TIA1: variants seen among roughly 807,000 people sequenced by gnomAD.
The protein encoded by TIA1 is cytotoxic granule associated RNA binding protein TIA1.
Under a neutral mutation model 65.9 loss-of-function variants are expected in TIA1, and 23 were observed. That is an observed-to-expected ratio of 0.35 (90% CI 0.25 to 0.49). The LOEUF is 0.49. Among genes scored for constraint, TIA1 ranks in the 20% least tolerant of loss-of-function variants. The pLI is 0.98. For synonymous variants in TIA1, 147 were observed against 149.4 expected, an observed-to-expected ratio of 0.98 and a Z score of 0.12; for missense variants, 371 against 477.9, an observed-to-expected ratio of 0.78 and a Z score of 2.09.
At position 70,216,196 on chromosome 2, in the gene TIA1, A is replaced by C. The variant is rs1678569758; in HGVS notation, c.764+12T>G. The C allele has an allele frequency of 1.3e-6, 2 of 1,538,154 alleles. No individual in the cohort carries two copies. The highest frequency in any genetic ancestry group is 1.3e-5 in the South Asian group (1 of 77,676). ...TACCAAGAAAAATGTTTTTTTAAAA[A>C]ACCATCCCTACCGAACAAATGAATA... On this transcript the variant is annotated intron_variant, in intron 10 of 12. Coordinates refer to ENST00000433529, the MANE Select transcript of TIA1 (RefSeq NM_022173.4).
upstream of TIA1, chr2:70,248,735 G>A: frequency 2.4e-6 from 1 of 420,260 alleles, no homozygotes; most frequent in African/African-American, 2.0e-5. Flanking sequence ...TAATCCATAG[G>A]TTCACTTGTT....
At chr2:70,235,475 G>A (rs1688413917) in intron 2 of TIA1, among the ~76,000 whole-genome samples, 1 of 151,890 alleles carries the variant, frequency 6.6e-6, no homozygotes, top group Admixed American at 6.6e-5. Context: ...GGGAAATGGG[G>A]TAAATGTTCC....
intron 1 of TIA1, among the ~76,000 whole-genome samples, chr2:70,247,610 C>T (rs1694956260): frequency 6.6e-6 from 1 of 152,142 alleles, no homozygotes; most frequent in Non-Finnish European, 1.5e-5. Context: ...AAAATATCCA[C>T]GCTCCGGTAA....
At chr2:70,237,736 T>C (rs1373327882) in intron 1 of TIA1, among the ~76,000 whole-genome samples, 1 of 150,832 alleles carries the variant, frequency 6.6e-6, no homozygotes, top group African/African-American at 2.4e-5. Context: ...TGGTGGCGCC[T>C]GCCTGTAATC....
chr2:70,225,345 C>T (rs555454494), intron 6 of TIA1: 132 of 1,287,666 alleles, frequency 1.0e-4, no homozygotes, highest in Non-Finnish European at 1.2e-4. Flanking sequence ...CACTGTGAAC[C>T]GTAGCTTGTA....
rs371477184 is a variant in TIA1, at chr2:70,212,978, T to C, written c.1035-133A>G. ...TTTTTCTTAATCCCAAATAGAATAA[T>C]TTATGCTAGGGAAAATGAAATCTTT... On this transcript the variant is annotated intron_variant, in intron 12 of 12. Transcript: ENST00000433529. 140 of 627,106 alleles carry C rather than the reference T, an allele frequency of 2.2e-4. 1 individual carries two copies. In the East Asian group the frequency reaches 3.5e-3, roughly 16 times the overall value. 38.8% of individuals were successfully genotyped at this position (627,106 alleles called of 1,614,324 possible).
intron 2 of TIA1, among the ~76,000 whole-genome samples, chr2:70,232,219 A>AAAAAAG (rs1553447439): frequency 1.5e-4 from 22 of 146,598 alleles, no homozygotes; most frequent in Non-Finnish European, 3.1e-4. Flanking sequence ...AAAAAAAAAA[A>AAAAAAG]AAAAAAGAAA....
chr2:70,227,232 C>T (rs1238656350), intron 6 of TIA1, among the ~76,000 whole-genome samples: 1 of 152,090 alleles, frequency 6.6e-6, no homozygotes, highest in African/African-American at 2.4e-5. Context: ...GGCAGTGCTT[C>T]ATAAAATATT....
At chr2:70,225,212 T>C in intron 6 of TIA1, 1 of 1,088,158 alleles carries the variant, frequency 9.2e-7, no homozygotes, top group South Asian at 2.2e-5. Context: ...AGTTTTAAGC[T>C]AGACAAGAAA....
At chr2:70,226,328 T>C (rs1558828911) in intron 6 of TIA1, among the ~76,000 whole-genome samples, 1 of 152,150 alleles carries the variant, frequency 6.6e-6, no homozygotes, top group East Asian at 1.9e-4. Flanking sequence ...AATCTTTGCC[T>C]AATTCCAAAC....
At position 70,214,811 on chromosome 2, in the gene TIA1, T is replaced by C. The variant is rs77443000; in HGVS notation, c.889-317A>G. Among the ~76,000 whole-genome samples, 31 of 152,320 alleles carry C rather than the reference T, an allele frequency of 2.0e-4. No homozygotes were observed. The East Asian group carries it at 4.8e-3, about 24-fold the overall frequency. ...AGTGTTTGGTATACTATCTACATGA[T>C]TGTTTCCTTTAGATAGGGAAGATGT... On this transcript the variant is annotated intron_variant, in intron 11 of 12. Transcript: ENST00000433529.
intron 1 of TIA1, among the ~76,000 whole-genome samples, chr2:70,245,914 ATTTT>A (rs199977940): frequency 1.4e-4 from 18 of 124,732 alleles, no homozygotes; most frequent in East Asian, 4.9e-4. Context: ...ATTCTACCAG[ATTTT>A]TTTTTTTTTT....
chr2:70,219,134 A>T (rs1357058951), intron 7 of TIA1, among the ~76,000 whole-genome samples: 1 of 152,234 alleles, frequency 6.6e-6, no homozygotes, highest in Non-Finnish European at 1.5e-5. Context: ...AGTAGACTGA[A>T]GATACAAAAT....
intron 12 of TIA1, among the ~76,000 whole-genome samples, chr2:70,213,166 C>T (rs1677014411): frequency 6.6e-6 from 1 of 152,034 alleles, no homozygotes; most frequent in Admixed American, 6.6e-5. Context: ...GAAAGCTATC[C>T]ATCTCATCTC....
chr2:70,238,912 A>C (rs1644214487), intron 1 of TIA1, among the ~76,000 whole-genome samples: 1 of 151,944 alleles, frequency 6.6e-6, no homozygotes, highest in South Asian at 2.1e-4. Flanking sequence ...AAAGATAAAA[A>C]ATTAGCGGAC....
At chr2:70,243,897 T>C (rs59330452) in intron 1 of TIA1, among the ~76,000 whole-genome samples, 2,825 of 152,322 alleles carry the variant, frequency 0.019, 92 homozygotes, top group African/African-American at 0.065. Flanking sequence ...GATACCTGGA[T>C]TGGCTTCCTG....
At chr2:70,242,816 G>A (rs1256255168) in intron 1 of TIA1, among the ~76,000 whole-genome samples, 4 of 152,070 alleles carry the variant, frequency 2.6e-5, no homozygotes, top group Non-Finnish European at 5.9e-5. Flanking sequence ...TAGGTTGTGT[G>A]TTCCTTATGA....
chr2:70,215,456 G>A lies in TIA1; in HGVS notation c.803C>T (p.Ser268Phe). Residue 268 changes from serine to phenylalanine, a missense_variant, in exon 11 of 13, where the codon TCT becomes TTT. Transcript: ENST00000433529. ...ACCTTCAATGGTAGTACCATTAACA[G>A]AAACAATTGCATGTGCTGCACTTTC... is the stretch of plus-strand genomic sequence containing the variant. ...SHESAAHAIV[S>F]VNGTTIEGHV... is the part of the protein sequence containing the mutation. 6.2e-7 allele frequency: 1 copy of A among 1,613,800 alleles called. No homozygotes were observed. The highest frequency in any genetic ancestry group is 8.5e-7 in the Non-Finnish European group (1 of 1,179,778).
chr2:70,221,006 A>AT (rs1553433488), intron 7 of TIA1, among the ~76,000 whole-genome samples: 2 of 151,282 alleles, frequency 1.3e-5, no homozygotes, highest in South Asian at 2.1e-4. Context: ...CCTACAAAAA[A>AT]ATATATATAT....
Sources: gnomAD v4.1 joint callset for allele counts (sites outside exome capture counted in the v4.1 genomes callset) on GRCh38, gnomAD v4.1.1 for gene constraint, MANE v1.5 for transcripts, NCBI Gene and HGNC (gene_info 2026-07-23, HGNC 2026-07-21) for gene names.